HOOK3: variants seen among roughly 807,000 people sequenced by gnomAD.
HOOK3 encodes the protein protein Hook homolog 3.
HOOK3 carries 24 observed loss-of-function variants against 116.3 expected under a neutral mutation model. That is an observed-to-expected ratio of 0.21 (90% CI 0.15 to 0.29). The LOEUF (loss-of-function observed/expected upper bound fraction) is 0.29. Among genes scored for constraint, HOOK3 ranks in the 10% least tolerant of loss-of-function variants. The pLI, the probability that HOOK3 is intolerant of heterozygous loss-of-function variation, is 1.00. For missense variants in HOOK3, 632 were observed against 830.2 expected (o/e 0.76, Z 2.93); for synonymous variants, 275 against 283.0 (o/e 0.97, Z 0.28).
intron 14 of HOOK3, among the ~76,000 whole-genome samples, chr8:42,986,141 T>G (rs1347660958): frequency 6.6e-6 from 1 of 152,246 alleles, no homozygotes; most frequent in African/African-American, 2.4e-5. Flanking sequence ...ATGTAAGTTT[T>G]TGGCTTATAC....
rs544420287 is a variant in HOOK3 at position 43,021,220 on chromosome 8, A to G, written c.*2722A>G. The G allele has an allele frequency of 1.9e-5, 4 of 207,726 alleles. No individual in the cohort carries two copies. The highest frequency in any genetic ancestry group is 3.9e-5 in the Non-Finnish European group (4 of 102,526). 12.9% of individuals were successfully genotyped at this position (207,726 alleles called of 1,614,324 possible). Reference sequence around the variant, plus strand: ...TTTTCTATTTACAGCCCCAGTCCTAATCTCCTACCCATCCACCTACCCAGA... The same window carrying G: ...TTTTCTATTTACAGCCCCAGTCCTAGTCTCCTACCCATCCACCTACCCAGA... On this transcript the variant is annotated 3_prime_UTR_variant, in exon 22 of 22. Coordinates refer to ENST00000307602, the MANE Select transcript of HOOK3 (RefSeq NM_032410.4).
chr8:43,028,379 A>T lies in HOOK3; in HGVS notation c.*9881A>T, dbSNP rs996205078. ...CTCTAAAAAAAAATAATATAAATTG[A>T]TGTTATATAGTTAACATTTATCAGG... On this transcript the variant is annotated 3_prime_UTR_variant, in exon 22 of 22. Coordinates refer to ENST00000307602, the MANE Select transcript of HOOK3 (RefSeq NM_032410.4). The T allele has an allele frequency of 1.1e-5, 2 of 182,884 alleles. No homozygotes were observed. Among genetic ancestry groups the T allele is most frequent in the Non-Finnish European group, 2.3e-5 (2 of 85,984 alleles). 11.3% of individuals were successfully genotyped at this position (182,884 alleles called of 1,614,324 possible). A position where few individuals can be genotyped will look rare whatever the true frequency, so the allele number is the denominator to read the frequency against.
At chr8:42,966,161 C>T (rs2130423585) in intron 9 of HOOK3, among the ~76,000 whole-genome samples, 1 of 152,090 alleles carries the variant, frequency 6.6e-6, no homozygotes, top group Admixed American at 6.5e-5. Flanking sequence ...ATCCACTGTG[C>T]CAGACCATAT....
intron 5 of HOOK3, among the ~76,000 whole-genome samples, chr8:42,945,577 CT>C (rs1386043215): frequency 6.6e-6 from 1 of 152,126 alleles, no homozygotes; most frequent in African/African-American, 2.4e-5. Flanking sequence ...TCCCAAAGTG[CT>C]AGGATTACAG....
intron 11 of HOOK3, among the ~76,000 whole-genome samples, chr8:42,969,530 T>G (rs11993252): frequency 0.013 from 2,052 of 152,252 alleles, 44 homozygotes; most frequent in African/African-American, 0.048. Context: ...GAGGATGAGG[T>G]TGAAGAATCG....
intron 13 of HOOK3, 85 bp from the exon 14 acceptor site, chr8:42,982,538 TAAAA>T: frequency 1.2e-6 from 1 of 861,240 alleles, no homozygotes. Context: ...TTTTTGCTGT[TAAAA>T]TTAATGCTCA....
chr8:43,000,277 G>T (rs1809354846), intron 16 of HOOK3: 1 of 1,286,320 alleles, frequency 7.8e-7, no homozygotes, highest in African/African-American at 1.5e-5. Context: ...CAAGGCTATT[G>T]TAAGTATGGC....
intron 2 of HOOK3, among the ~76,000 whole-genome samples, chr8:42,909,639 T>C (rs1173461125): frequency 6.6e-6 from 1 of 152,116 alleles, no homozygotes; most frequent in Non-Finnish European, 1.5e-5. Flanking sequence ...TTTTTGTTGT[T>C]GTTGTTGTAG....
intron 14 of HOOK3, among the ~76,000 whole-genome samples, chr8:42,984,434 T>C (rs11992682): frequency 0.047 from 7,158 of 152,054 alleles, 336 homozygotes; most frequent in African/African-American, 0.12. Context: ...CTGGAAGTAT[T>C]TTGTGTACCT....
intron 15 of HOOK3, 100 bp from the exon 16 acceptor site, chr8:42,997,450 T>G: frequency 2.9e-6 from 2 of 685,518 alleles, no homozygotes; most frequent in Non-Finnish European, 5.0e-6. Context: ...AACATGAGAC[T>G]TGATTTTGCT....
At chr8:42,986,088 A>G (rs756163103) in intron 14 of HOOK3, among the ~76,000 whole-genome samples, 1 of 152,250 alleles carries the variant, frequency 6.6e-6, no homozygotes, top group Non-Finnish European at 1.5e-5. Context: ...TGCAGTAAAT[A>G]TGGTGGCAAG....
At chr8:42,907,210 C>T (rs532164898) in intron 2 of HOOK3, among the ~76,000 whole-genome samples, 1 of 152,214 alleles carries the variant, frequency 6.6e-6, no homozygotes, top group African/African-American at 2.4e-5. Context: ...GCTGGGTTGC[C>T]CTGCATTTCT....
chr8:42,925,243 A>G (rs1277721833), intron 2 of HOOK3, among the ~76,000 whole-genome samples: 1 of 151,752 alleles, frequency 6.6e-6, no homozygotes, highest in Non-Finnish European at 1.5e-5. Flanking sequence ...GATTACAGGC[A>G]TGTCCCACCA....
chr8:43,007,486 A>G (rs1809515695), intron 17 of HOOK3, among the ~76,000 whole-genome samples: 1 of 152,156 alleles, frequency 6.6e-6, no homozygotes, highest in South Asian at 2.1e-4. Flanking sequence ...TCATTTTTTT[A>G]TTGATAGGTA....
At chr8:42,980,798 C>A (rs1224996985) in intron 13 of HOOK3, among the ~76,000 whole-genome samples, 1 of 151,990 alleles carries the variant, frequency 6.6e-6, no homozygotes, top group Non-Finnish European at 1.5e-5. Context: ...GCAGGAGAAT[C>A]ACTTGAACCT....
intron 17 of HOOK3, among the ~76,000 whole-genome samples, chr8:43,006,114 G>T (rs190039629): frequency 7.1e-6 from 1 of 141,320 alleles, no homozygotes; most frequent in African/African-American, 2.6e-5. Flanking sequence ...TCCGCCTCCC[G>T]GGTTCACGCC....
chr8:42,975,644 G>A (rs1199238451), intron 13 of HOOK3, among the ~76,000 whole-genome samples: 4 of 152,198 alleles, frequency 2.6e-5, no homozygotes, highest in Non-Finnish European at 4.4e-5. Context: ...TGACGCTGCC[G>A]TGCTAATTTC....
chr8:42,904,987 T>C (rs1302722346), intron 1 of HOOK3, among the ~76,000 whole-genome samples: 2 of 152,236 alleles, frequency 1.3e-5, no homozygotes, highest in Non-Finnish European at 2.9e-5. Flanking sequence ...AGTACACTAC[T>C]GGGTAGCTGG....
At position 42,910,887 on chromosome 8, in the gene HOOK3, C is replaced by T. The variant is rs147271345; in HGVS notation, c.143+4629C>T. On this transcript the variant is annotated intron_variant, in intron 2 of 21. Transcript: ENST00000307602. ...TGGTACAGAGAAGTACACAATGTTA[C>T]GAAAGTTTACACAAGGTATATTTTT... Among the ~76,000 whole-genome samples, 90 of 152,208 alleles carry T rather than the reference C, an allele frequency of 5.9e-4. No homozygotes were observed. In the Middle Eastern group the frequency reaches 0.01, roughly 17 times the overall value.
Sources: allele counts gnomAD v4.1 joint callset (sites outside exome capture counted in the v4.1 genomes callset), GRCh38; gene constraint gnomAD v4.1.1; transcripts MANE v1.5; gene names NCBI Gene and HGNC (gene_info 2026-07-23, HGNC 2026-07-21).